AKAP6: variants seen among roughly 807,000 people sequenced by gnomAD.
AKAP6 encodes the protein A-kinase anchoring protein 6.
Under a neutral mutation model 188.5 loss-of-function variants are expected in AKAP6, and 58 were observed. The ratio of observed to expected loss-of-function variants is 0.31; its 90% CI spans 0.25 to 0.38. The LOEUF (loss-of-function observed/expected upper bound fraction) is 0.38. Ranked by LOEUF, AKAP6 falls within the 10% of genes least tolerant of loss-of-function variation. The pLI is 1.00. For synonymous variants in AKAP6, 989 were observed against 998.6 expected (o/e 0.99, Z 0.18); for missense variants, 2,710 against 2,740.0 (o/e 0.99, Z 0.24).
intron 1 of AKAP6, among the ~76,000 whole-genome samples, chr14:32,422,784 C>CT (rs1307653794): frequency 4.3e-5 from 6 of 138,232 alleles, no homozygotes; most frequent in African/African-American, 1.7e-4. Context: ...ATGCCAGCTC[C>CT]TGGGAGCTGG....
chr14:32,827,205 C>T (rs1045535242), intron 13 of AKAP6, among the ~76,000 whole-genome samples: 4 of 152,144 alleles, frequency 2.6e-5, no homozygotes, highest in African/African-American at 9.6e-5. Context: ...TTCATGTCTA[C>T]AAGAGCTTAA....
chr14:32,618,987 G>T (rs1476080718), intron 7 of AKAP6, among the ~76,000 whole-genome samples: 4 of 151,922 alleles, frequency 2.6e-5, no homozygotes. Flanking sequence ...CTTCTTTTGA[G>T]AAATACCAAT....
At chr14:32,602,601 A>C (rs1292548927) in intron 7 of AKAP6, among the ~76,000 whole-genome samples, 1 of 152,184 alleles carries the variant, frequency 6.6e-6, no homozygotes, top group African/African-American at 2.4e-5. Flanking sequence ...AAAAAGCTTC[A>C]TTGTATTTTG....
chr14:32,566,484 C>T (rs1287511041), intron 4 of AKAP6, among the ~76,000 whole-genome samples: 1 of 152,158 alleles, frequency 6.6e-6, no homozygotes, highest in Non-Finnish European at 1.5e-5. Context: ...CATTATCATA[C>T]ATCTCATGCT....
intron 7 of AKAP6, among the ~76,000 whole-genome samples, chr14:32,664,207 A>G (rs1206594593): frequency 6.6e-6 from 1 of 152,146 alleles, no homozygotes; most frequent in Non-Finnish European, 1.5e-5. Flanking sequence ...ATAATAGCAA[A>G]GAGGTAGTGA....
chr14:32,727,794 C>T (rs1014535884), intron 9 of AKAP6, among the ~76,000 whole-genome samples: 4 of 152,162 alleles, frequency 2.6e-5, no homozygotes, highest in African/African-American at 7.2e-5. Flanking sequence ...TATGCAATTA[C>T]TCACCATAAA....
chr14:32,516,585 G>T (rs114300084), intron 2 of AKAP6, among the ~76,000 whole-genome samples: 2 of 152,058 alleles, frequency 1.3e-5, no homozygotes, highest in African/African-American at 4.8e-5. Flanking sequence ...TGAAACTATC[G>T]TATATGTAAT....
chr14:32,416,247 G>T (rs1889653110), intron 1 of AKAP6, among the ~76,000 whole-genome samples: 1 of 152,138 alleles, frequency 6.6e-6, no homozygotes, highest in African/African-American at 2.4e-5. Context: ...ACCCATACCA[G>T]TCAGTATGAG....
intron 7 of AKAP6, among the ~76,000 whole-genome samples, chr14:32,628,256 A>G (rs968419595): frequency 7.2e-5 from 11 of 152,274 alleles, no homozygotes; most frequent in Admixed American, 7.2e-4. Flanking sequence ...TATTAAAGCT[A>G]TTAAGAATAG....
At chr14:32,336,990 T>C (rs1327471101) in intron 1 of AKAP6, among the ~76,000 whole-genome samples, 2 of 152,230 alleles carry the variant, frequency 1.3e-5, no homozygotes, top group Non-Finnish European at 2.9e-5. Flanking sequence ...GAAATCCGCT[T>C]GCTTTTAGCT....
At chr14:32,572,690 C>T (rs974570879) in intron 4 of AKAP6, among the ~76,000 whole-genome samples, 1 of 152,186 alleles carries the variant, frequency 6.6e-6, no homozygotes, top group African/African-American at 2.4e-5. Flanking sequence ...TGTATTTTAG[C>T]CAGCCAAAGC....
intron 1 of AKAP6, among the ~76,000 whole-genome samples, chr14:32,386,506 T>C (rs764053708): frequency 3.2e-4 from 48 of 152,228 alleles, no homozygotes; most frequent in Middle Eastern, 3.4e-3. Context: ...TGGATATTAG[T>C]CCACAGTCAG....
At chr14:32,490,476 G>T (rs1879953273) in intron 2 of AKAP6, among the ~76,000 whole-genome samples, 1 of 152,100 alleles carries the variant, frequency 6.6e-6, no homozygotes, top group African/African-American at 2.4e-5. Context: ...TAACTTTTAT[G>T]TTATATTCAT....
At chr14:32,441,453 ATCTC>A (rs1252196650) in intron 2 of AKAP6, among the ~76,000 whole-genome samples, 1 of 152,064 alleles carries the variant, frequency 6.6e-6, no homozygotes, top group East Asian at 1.9e-4. Context: ...TTGAATAATT[ATCTC>A]TCTCTCTCTT....
intron 12 of AKAP6, among the ~76,000 whole-genome samples, chr14:32,779,277 C>T (rs1166202739): frequency 2.6e-5 from 4 of 151,662 alleles, no homozygotes; most frequent in Non-Finnish European, 5.9e-5. Context: ...TGGCAGTGCA[C>T]CTGTGGTCTC....
intron 7 of AKAP6, among the ~76,000 whole-genome samples, chr14:32,613,985 G>A (rs1176426709): frequency 6.6e-6 from 1 of 152,090 alleles, no homozygotes; most frequent in Non-Finnish European, 1.5e-5. Context: ...TTGCATTTTA[G>A]AGTGAAATCA....
At chr14:32,333,847 G>A (rs868122073) in intron 1 of AKAP6, among the ~76,000 whole-genome samples, 10 of 152,056 alleles carry the variant, frequency 6.6e-5, no homozygotes, top group African/African-American at 2.4e-4. Context: ...AGATATTTTT[G>A]TTTTTATAAA....
At chr14:32,620,801 T>C (rs564912520) in intron 7 of AKAP6, among the ~76,000 whole-genome samples, 5 of 151,952 alleles carry the variant, frequency 3.3e-5, no homozygotes, top group Admixed American at 2.0e-4. Context: ...GGGCTTTTTT[T>C]CACTGGCAGT....
intron 1 of AKAP6, among the ~76,000 whole-genome samples, chr14:32,358,448 GT>G (rs763699572): frequency 1.3e-5 from 2 of 152,186 alleles, no homozygotes; most frequent in Non-Finnish European, 2.9e-5. Context: ...AAAGAATGAA[GT>G]TTTAGATCTA....
Sources: gnomAD v4.1 joint callset for allele counts (sites outside exome capture counted in the v4.1 genomes callset) on GRCh38, gnomAD v4.1.1 for gene constraint, MANE v1.5 for transcripts, NCBI Gene and HGNC (gene_info 2026-07-23, HGNC 2026-07-21) for gene names.